STAT1: variants seen among roughly 807,000 people sequenced by gnomAD.
STAT1 encodes the protein signal transducer and activator of transcription 1.
STAT1 carries 24 observed loss-of-function variants against 111.7 expected under a neutral mutation model. The observed-to-expected ratio is 0.21, with a 90% CI of 0.16 to 0.30. The LOEUF is 0.30. Ranked by LOEUF, STAT1 falls within the 10% of genes least tolerant of loss-of-function variation. The probability of loss-of-function intolerance (pLI) is 1.00; values close to 1 mark genes in which losing one functional copy is unlikely to be tolerated. For missense variants in STAT1, 351 were observed against 911.9 expected, an observed-to-expected ratio of 0.38 and a Z score of 7.92; for synonymous variants, 332 against 326.5, an observed-to-expected ratio of 1.02 and a Z score of -0.18.
At position 190,971,324 on chromosome 2, in the gene STAT1, G is replaced by A. The variant is rs1157136921; in HGVS notation, c.2239-607C>T. On this transcript the variant is annotated intron_variant, in intron 24 of 24. Transcript: ENST00000361099. This position sits in a 1 kb window ranked among gnomAD's most constrained non-coding sequence, Gnocchi z 4.1. ...CACACTGGTCTTTCCCCTTAGACCA[G>A]ATGCTTTCAATCGAGGATGATTCTG... Among the ~76,000 whole-genome samples the A allele has an allele frequency of 2.0e-5, 3 of 152,194 alleles. No individual in the cohort carries two copies. The highest frequency in any genetic ancestry group is 7.2e-5 in the African/African-American group (3 of 41,432).
chr2:190,981,060 C>CT lies in STAT1; in HGVS notation c.1583-392_1583-391insA, dbSNP rs1692352963. ...TAAAGAGAGGACAGTCCTTTTAATGCCTCTTCATGTTACACTTCCTTCCAA... is the reference window on the plus strand; with the variant it reads ...TAAAGAGAGGACAGTCCTTTTAATGCTCTCTTCATGTTACACTTCCTTCCAA... On this transcript the variant is annotated intron_variant, in intron 18 of 24. Coordinates refer to ENST00000361099, the MANE Select transcript of STAT1 (RefSeq NM_007315.4). The surrounding 1 kb of genome is among the most constrained non-coding windows in gnomAD (Gnocchi z 4.1). Among the ~76,000 whole-genome samples, 1 of 40,016 alleles carries CT rather than the reference C, an allele frequency of 2.5e-5. No individual in the cohort carries two copies. Among genetic ancestry groups the CT allele is most frequent in the East Asian group, 3.6e-3 (1 of 274 alleles). 26.3% of individuals were successfully genotyped at this position (40,016 alleles called of 152,430 possible). A position where few individuals can be genotyped will look rare whatever the true frequency, so the allele number is the denominator to read the frequency against.
At chr2:191,008,029 T>C (rs1288531983) in intron 4 of STAT1, 1 of 458,826 alleles carries the variant, frequency 2.2e-6, no homozygotes, top group Non-Finnish European at 4.4e-6. Flanking sequence ...CCTCAATGAA[T>C]GCATCTGTTG....
rs1166205769 is a variant in STAT1, at chr2:190,998,680, AC to A, written c.542-373del. On this transcript the variant is annotated intron_variant, in intron 7 of 24. Transcript: ENST00000361099. This position sits in a 1 kb window ranked among gnomAD's most constrained non-coding sequence, Gnocchi z 4.1. ...CCGTCTCCAAAAAAAAACAAAAAAAACAAAAAAAAAACAAAAAAAACTTGTT... is the reference window on the plus strand; with the variant it reads ...CCGTCTCCAAAAAAAAACAAAAAAAAAAAAAAAAAACAAAAAAAACTTGTT... Among the ~76,000 whole-genome samples the A allele has an allele frequency of 1.4e-3, 211 of 148,290 alleles. 1 individual carries two copies. Among genetic ancestry groups the A allele is most frequent in the Middle Eastern group, 6.9e-3 (2 of 288 alleles).
Position 190,991,260 on chromosome 2 carries a change from C to T in STAT1, c.1005G>A (p.Leu335=), listed in dbSNP as rs1355315884. ...MPTHPQRPLV[L]KTGVQFTVKL... is the part of the protein sequence containing the mutation. ...TCACAGTGAACTGGACCCCTGTCTT[C>T]AAGACCAGCGGCCTCTGAGGGTGCG... Residue 335 remains leucine (L), a synonymous_variant, in exon 11 of 25, where the codon TTG becomes TTA. Transcript: ENST00000361099. 4.3e-6 allele frequency: 7 copies of T among 1,614,048 alleles called. No individual in the cohort carries two copies. Among genetic ancestry groups the T allele is most frequent in the African/African-American group, 1.3e-5 (1 of 74,914 alleles).
At chr2:191,011,179 T>A (rs1002069522) in intron 2 of STAT1, among the ~76,000 whole-genome samples, 1 of 152,198 alleles carries the variant, frequency 6.6e-6, no homozygotes, top group Non-Finnish European at 1.5e-5. Context: ...GTTATCCTCA[T>A]ATATACCAGT....
In STAT1 at chr2:191,002,426, T is replaced by C. The variant is rs150469688; in HGVS notation, c.373-1263A>G. Among the ~76,000 whole-genome samples, 75 of 152,336 alleles carry C rather than the reference T, an allele frequency of 4.9e-4. No individual in the cohort carries two copies. In the East Asian group the frequency reaches 0.013, roughly 26 times the overall value. On this transcript the variant is annotated intron_variant, in intron 5 of 24. Coordinates refer to ENST00000361099, the MANE Select transcript of STAT1 (RefSeq NM_007315.4). ...AGGATGTTTGACTATAGAGGATTTA[T>C]AGTCTGTCTAGTAGGGCCAGTCCCA...
In STAT1 at chr2:191,007,779, T is replaced by A; in HGVS notation, c.274-118A>T. ...CCGGGAAACCTCATCTCTCATCTAT[T>A]AAATTCTATATAAGCTATGTTTGTT... is the stretch of plus-strand genomic sequence containing the variant. On this transcript the variant is annotated intron_variant, in intron 4 of 24. Transcript: ENST00000361099. This position sits in a 1 kb window ranked among gnomAD's most constrained non-coding sequence, Gnocchi z 4.2. 1.3e-6 allele frequency: 1 copy of A among 744,920 alleles called. No individual in the cohort carries two copies. The highest frequency in any genetic ancestry group is 2.3e-6 in the Non-Finnish European group (1 of 431,112). 46.1% of individuals were successfully genotyped at this position (744,920 alleles called of 1,614,324 possible).
At chr2:190,991,704 T>G (rs969203976) in intron 10 of STAT1, among the ~76,000 whole-genome samples, 1 of 151,650 alleles carries the variant, frequency 6.6e-6, no homozygotes, top group Non-Finnish European at 1.5e-5. Flanking sequence ...ACAATTTGTT[T>G]TTTTTTTTTT....
chr2:191,011,590 C>A (rs1405576203), intron 2 of STAT1, among the ~76,000 whole-genome samples: 2 of 152,118 alleles, frequency 1.3e-5, no homozygotes. Flanking sequence ...ATGCCCCCAC[C>A]CAAATCTTAC....
At position 190,996,613 on chromosome 2, in the gene STAT1, C is replaced by T. The variant is rs1202526192; in HGVS notation, c.785+1243G>A. Among the ~76,000 whole-genome samples the T allele has an allele frequency of 2.0e-5, 3 of 152,218 alleles. No individual in the cohort carries two copies. The highest frequency in any genetic ancestry group is 4.8e-5 in the African/African-American group (2 of 41,448). On this transcript the variant is annotated intron_variant, in intron 9 of 24. Transcript: ENST00000361099. This position sits in a 1 kb window ranked among gnomAD's most constrained non-coding sequence, Gnocchi z 4.5. ...TTAGGGTTGTATGTATCCCTCAAGG[C>T]ACATGGGGTGCACTGGGCTCAGAAG...
rs1209685038 is a variant in STAT1 at position 190,996,183 on chromosome 2, C to T, written c.786-964G>A. ...AAACATAAAAAGCCAATGAGTAAAC[C>T]CAGTGATTGCTCTTAGTCTTCCTTC... On this transcript the variant is annotated intron_variant, in intron 9 of 24. Coordinates refer to ENST00000361099, the MANE Select transcript of STAT1 (RefSeq NM_007315.4). The surrounding 1 kb of genome is among the most constrained non-coding windows in gnomAD (Gnocchi z 4.5). Among the ~76,000 whole-genome samples the T allele has an allele frequency of 6.6e-6, 1 of 152,148 alleles. No individual in the cohort carries two copies. Among genetic ancestry groups the T allele is most frequent in the Admixed American group, 6.5e-5 (1 of 15,274 alleles).
intron 2 of STAT1, among the ~76,000 whole-genome samples, chr2:191,010,839 C>T (rs1183731449): frequency 6.6e-6 from 1 of 152,152 alleles, no homozygotes; most frequent in Admixed American, 6.5e-5. Flanking sequence ...ACTGTTAAGT[C>T]CATTTTTACA....
chr2:190,979,933 C>A lies in STAT1; in HGVS notation c.1633-67G>T. 9.0e-7 allele frequency: 1 copy of A among 1,105,646 alleles called. No homozygotes were observed. The highest frequency in any genetic ancestry group is 1.4e-6 in the Non-Finnish European group (1 of 731,826). 68.5% of individuals were successfully genotyped at this position (1,105,646 alleles called of 1,614,324 possible). A position where few individuals can be genotyped will look rare whatever the true frequency, so the allele number is the denominator to read the frequency against. ...AACAATGACTTACCATGGCCCCTCC[C>A]ACCATCATTTGCAAAGACTCCCCAG... is the stretch of plus-strand genomic sequence containing the variant. On this transcript the variant is annotated intron_variant, in intron 19 of 24. Coordinates refer to ENST00000361099, the MANE Select transcript of STAT1 (RefSeq NM_007315.4). The surrounding 1 kb of genome is among the most constrained non-coding windows in gnomAD (Gnocchi z 5.8).
rs1044470143 is a variant in STAT1, at chr2:190,985,678, A to G, written c.1222-18T>C. 1 of 1,613,390 alleles carries G rather than the reference A, an allele frequency of 6.2e-7. No homozygotes were observed. The highest frequency in any genetic ancestry group is 8.5e-7 in the Non-Finnish European group (1 of 1,179,444). On this transcript the variant is annotated intron_variant, in intron 14 of 24. Coordinates refer to ENST00000361099, the MANE Select transcript of STAT1 (RefSeq NM_007315.4). The stretch of plus-strand genomic sequence containing the variant: ...TTCAATTGCTATAAAACAAATAATC[A>G]TCTTAGTAAACACCATGGTAATGGT...
Position 190,997,976 on chromosome 2 carries a change from T to C in STAT1, c.665A>G (p.Asn222Ser). 1.2e-6 allele frequency: 2 copies of C among 1,614,240 alleles called. No homozygotes were observed. The highest frequency in any genetic ancestry group is 1.7e-6 in the Non-Finnish European group (2 of 1,180,050). ...GGCATTCTGGGTAAGTTCAGTGACA[T>C]TCAGCAACTCTATTATTTTGTGAAC... ...EVVHKIIELL[N>S]VTELTQNALI... The change falls in exon 9 of 25, where the codon AAT becomes AGT. Residue 222 changes from asparagine (N) to serine (S), a missense_variant. Physicochemically the swap from Asn to Ser is conservative, Grantham distance 46. Around this residue, in one of 7 missense-constraint regions of STAT1, gnomAD observed 67 missense variants for 158.9 expected, o/e 0.42. Transcript: ENST00000361099. The surrounding 1 kb of genome is among the most constrained non-coding windows in gnomAD (Gnocchi z 7.3).
chr2:190,995,647 G>A lies in STAT1; in HGVS notation c.786-428C>T, dbSNP rs1428471038. Among the ~76,000 whole-genome samples the A allele has an allele frequency of 3.8e-4, 58 of 152,154 alleles. No individual in the cohort carries two copies. Among genetic ancestry groups the A allele is most frequent in the Non-Finnish European group, 4.4e-5 (3 of 68,028 alleles). ...GGGTGGGGACACGGCCAAACCATAT[G>A]GCATGGAAACCAACAAGTGGTTATA... On this transcript the variant is annotated intron_variant, in intron 9 of 24. Coordinates refer to ENST00000361099, the MANE Select transcript of STAT1 (RefSeq NM_007315.4). This position sits in a 1 kb window ranked among gnomAD's most constrained non-coding sequence, Gnocchi z 4.2.
intron 5 of STAT1, among the ~76,000 whole-genome samples, chr2:191,002,578 A>T (rs1052344951): frequency 1.1e-4 from 16 of 152,228 alleles, no homozygotes; most frequent in Non-Finnish European, 2.1e-4. Context: ...ATAACATTAA[A>T]ATTACAAGTT....
In STAT1 at chr2:190,973,372, G is replaced by A. The variant is rs45620833; in HGVS notation, c.2238+1458C>T. Among the ~76,000 whole-genome samples the A allele has an allele frequency of 5.7e-3, 875 of 152,282 alleles. 14 individuals carry two copies. The highest frequency in any genetic ancestry group is 0.019 in the African/African-American group (775 of 41,552). ...GGGCTGTGTGGGGAGGAGGGGCTCT[G>A]TTCCCACATCTGTCAAAGTAGGAAT... On this transcript the variant is annotated intron_variant, in intron 24 of 24. Coordinates refer to ENST00000361099, the MANE Select transcript of STAT1 (RefSeq NM_007315.4). This position sits in a 1 kb window ranked among gnomAD's most constrained non-coding sequence, Gnocchi z 4.4.
rs979838267 is a variant in STAT1, at chr2:190,986,622, G to A, written c.1221+232C>T. Among the ~76,000 whole-genome samples the A allele has an allele frequency of 6.6e-6, 1 of 152,188 alleles. No homozygotes were observed. On this transcript the variant is annotated intron_variant, in intron 14 of 24. Coordinates refer to ENST00000361099, the MANE Select transcript of STAT1 (RefSeq NM_007315.4). The surrounding 1 kb of genome is among the most constrained non-coding windows in gnomAD (Gnocchi z 5.0). ...ATCATTTACGTAAACACAGGCTTAGGAAATATTTTTACTGCAAGTGATACA... is the reference window on the plus strand; with the variant it reads ...ATCATTTACGTAAACACAGGCTTAGAAAATATTTTTACTGCAAGTGATACA...
Sources: allele counts gnomAD v4.1 joint callset (sites outside exome capture counted in the v4.1 genomes callset), GRCh38; gene constraint gnomAD v4.1.1; regional missense constraint gnomAD v4.1.1; non-coding constraint Gnocchi (gnomAD v3.1); transcripts MANE v1.5; gene names NCBI Gene and HGNC (gene_info 2026-07-23, HGNC 2026-07-21).